FBXO15: variants seen among roughly 807,000 people sequenced by gnomAD.
The protein encoded by FBXO15 is F-box protein 15.
Under a neutral mutation model 49.5 loss-of-function variants are expected in FBXO15, and 30 were observed. The observed-to-expected ratio is 0.61, with a 90% confidence interval of 0.45 to 0.82. The LOEUF (loss-of-function observed/expected upper bound fraction) is 0.82. Among genes scored for constraint, FBXO15 ranks in the 40% least tolerant of loss-of-function variants. FBXO15 has a pLI of 0.00. For synonymous variants in FBXO15, 250 were observed against 232.7 expected (o/e 1.07, Z -0.68); for missense variants, 591 against 631.5 (o/e 0.94, Z 0.69).
intron 8 of FBXO15, among the ~76,000 whole-genome samples, chr18:74,090,508 T>G (rs922803843): frequency 6.6e-6 from 1 of 152,220 alleles, no homozygotes; most frequent in Non-Finnish European, 1.5e-5. Flanking sequence ...ATTGTTAATC[T>G]GAGATCTTTC....
chr18:74,082,221 T>C (rs1401555984), intron 8 of FBXO15, 170 bp from the exon 9 acceptor site: 8 of 481,646 alleles, frequency 1.7e-5, no homozygotes, highest in Middle Eastern at 3.0e-4. Flanking sequence ...GCCAGAGTGA[T>C]GCATCTGTGT....
At chr18:74,140,470 TGGAA>T (rs529861337) in intron 1 of FBXO15, among the ~76,000 whole-genome samples, 158 bp from the exon 2 acceptor site, 70 of 148,516 alleles carry the variant, frequency 4.7e-4, no homozygotes, top group Middle Eastern at 3.5e-3. Context: ...GAAGAAAAGA[TGGAA>T]GGAAGGAAGA....
At chr18:74,136,587 C>T (rs1978740736) in intron 2 of FBXO15, among the ~76,000 whole-genome samples, 1 of 152,178 alleles carries the variant, frequency 6.6e-6, no homozygotes. Context: ...TTCACTGCTT[C>T]GTCTGGGGCT....
At chr18:74,104,706 T>C (rs1402463148) in intron 8 of FBXO15, among the ~76,000 whole-genome samples, 1 of 152,016 alleles carries the variant, frequency 6.6e-6, no homozygotes, top group East Asian at 1.9e-4. Flanking sequence ...TAAATAATGA[T>C]AAAGGGGTCA....
At chr18:74,137,383 C>T (rs971444338) in intron 2 of FBXO15, among the ~76,000 whole-genome samples, 1 of 152,104 alleles carries the variant, frequency 6.6e-6, no homozygotes, top group Non-Finnish European at 1.5e-5. Context: ...TTTTTTAAAT[C>T]AGTACCATTG....
intron 8 of FBXO15, among the ~76,000 whole-genome samples, chr18:74,109,137 A>C (rs1268081886): frequency 6.6e-6 from 1 of 152,216 alleles, no homozygotes; most frequent in Non-Finnish European, 1.5e-5. Flanking sequence ...ACAAATTTGC[A>C]AGAAAAAAAT....
At chr18:74,080,761 TC>T (rs1471737063) in intron 9 of FBXO15, among the ~76,000 whole-genome samples, 2 of 152,246 alleles carry the variant, frequency 1.3e-5, no homozygotes, top group African/African-American at 4.8e-5. Context: ...GATAAAGCTT[TC>T]TTTGTATAAT....
intron 2 of FBXO15, among the ~76,000 whole-genome samples, chr18:74,136,116 A>G (rs1448646832): frequency 6.6e-6 from 1 of 152,224 alleles, no homozygotes; most frequent in Non-Finnish European, 1.5e-5. Flanking sequence ...TCAGCATTTT[A>G]ATCACGTTCA....
At chr18:74,093,270 G>GA (rs1337424321) in intron 8 of FBXO15, among the ~76,000 whole-genome samples, 3 of 150,550 alleles carry the variant, frequency 2.0e-5, no homozygotes, top group Admixed American at 1.3e-4. Context: ...CAATGGGGGG[G>GA]GGGTGGCTGC....
Position 74,129,509 on chromosome 18 carries a change from T to C in FBXO15, c.681A>G (p.Ile227Met), listed in dbSNP as rs1353885186. Reference sequence around the variant, plus strand: ...GGCATGGCCATTTTTTGCCATACCATATAACAGTAACTGATGTGTCATTTA... The same window carrying C: ...GGCATGGCCATTTTTTGCCATACCACATAACAGTAACTGATGTGTCATTTA... ...LSINDTSVTVIWYGKKWPCLA... is the reference protein window; with the variant it reads ...LSINDTSVTVMWYGKKWPCLA... Residue 227 changes from isoleucine (I) to methionine (M), a missense_variant, in exon 5 of 10, where the codon ATA becomes ATG. Physicochemically the swap from Ile to Met is conservative, Grantham distance 10 (BLOSUM62 1). Coordinates refer to ENST00000419743, the MANE Select transcript of FBXO15 (RefSeq NM_001142958.2). 1.2e-6 allele frequency: 2 copies of C among 1,613,840 alleles called. No individual in the cohort carries two copies. The highest frequency in any genetic ancestry group is 8.5e-7 in the Non-Finnish European group (1 of 1,179,962).
At chr18:74,137,539 G>C (rs1978797275) in intron 2 of FBXO15, among the ~76,000 whole-genome samples, 2 of 152,266 alleles carry the variant, frequency 1.3e-5, no homozygotes, top group African/African-American at 2.4e-5. Context: ...TAATGAAAAG[G>C]GGGGTACTCT....
At chr18:74,133,588 T>G (rs1978529662) in intron 3 of FBXO15, among the ~76,000 whole-genome samples, 1 of 152,208 alleles carries the variant, frequency 6.6e-6, no homozygotes, top group African/African-American at 2.4e-5. Context: ...TGTCATAGTC[T>G]CTTTGTGTTG....
intron 8 of FBXO15, among the ~76,000 whole-genome samples, chr18:74,111,827 T>A (rs904450993): frequency 6.6e-6 from 1 of 152,090 alleles, no homozygotes; most frequent in African/African-American, 2.4e-5. Flanking sequence ...AGAATACAAA[T>A]TGTTAATATC....
intron 8 of FBXO15, among the ~76,000 whole-genome samples, chr18:74,102,653 A>G (rs1166323808): frequency 6.6e-6 from 1 of 152,224 alleles, no homozygotes; most frequent in Admixed American, 6.5e-5. Context: ...ATACTTGCTC[A>G]TGCATTTTTA....
intron 8 of FBXO15, among the ~76,000 whole-genome samples, chr18:74,107,578 A>G (rs1913826376): frequency 6.6e-6 from 1 of 152,158 alleles, no homozygotes; most frequent in Non-Finnish European, 1.5e-5. Flanking sequence ...CAAAACCTCC[A>G]TAGCAACCAG....
chr18:74,114,779 C>A (rs1210122138), intron 8 of FBXO15, among the ~76,000 whole-genome samples: 1 of 152,114 alleles, frequency 6.6e-6, no homozygotes, highest in Non-Finnish European at 1.5e-5. Flanking sequence ...GAAATTAGAT[C>A]CTTTTTAAAA....
At chr18:74,115,695 T>C (rs1914201302) in intron 8 of FBXO15, among the ~76,000 whole-genome samples, 1 of 152,232 alleles carries the variant, frequency 6.6e-6, no homozygotes, top group Non-Finnish European at 1.5e-5. Context: ...TATGTATCTT[T>C]TAAAGGATGA....
chr18:74,129,742 G>A lies in FBXO15; in HGVS notation c.576-128C>T. ...GCCAAAGTCAAAATTCTCAGAATGT[G>A]CCCAGTATAATTTTCACTTCAACAA... On this transcript the variant is annotated intron_variant, in intron 4 of 9. Coordinates refer to ENST00000419743, the MANE Select transcript of FBXO15 (RefSeq NM_001142958.2). 4 of 734,360 alleles carry A rather than the reference G, an allele frequency of 5.4e-6. 1 individual carries two copies. In the South Asian group the frequency reaches 7.7e-5, roughly 14 times the overall value. 45.5% of individuals were successfully genotyped at this position (734,360 alleles called of 1,614,324 possible). A position where few individuals can be genotyped will look rare whatever the true frequency, so the allele number is the denominator to read the frequency against.
intron 8 of FBXO15, among the ~76,000 whole-genome samples, chr18:74,117,152 A>C (rs1914266544): frequency 6.6e-6 from 1 of 152,052 alleles, no homozygotes; most frequent in Non-Finnish European, 1.5e-5. Context: ...TTACAAAGAC[A>C]CTCTGATGGC....
Sources: allele counts gnomAD v4.1 joint callset (sites outside exome capture counted in the v4.1 genomes callset), GRCh38; gene constraint gnomAD v4.1.1; transcripts MANE v1.5; gene names NCBI Gene and HGNC (gene_info 2026-07-23, HGNC 2026-07-21).